KCNQ1: variants seen among roughly 807,000 people sequenced by gnomAD.
The protein encoded by KCNQ1 is potassium voltage-gated channel subfamily KQT member 1.
A neutral mutation model predicts 72.4 loss-of-function variants in KCNQ1; 49 were observed. That is an observed-to-expected ratio of 0.68 (90% CI 0.54 to 0.86). KCNQ1 has a LOEUF of 0.86. Among genes scored for constraint, KCNQ1 ranks in the 40% least tolerant of loss-of-function variants. The pLI is 0.00. For missense variants in KCNQ1, 790 were observed against 945.1 expected (o/e 0.84, Z 2.15); for synonymous variants, 450 against 412.6 (o/e 1.09, Z -1.10).
chr11:2,838,615 G>A (rs1427911912), intron 15 of KCNQ1, among the ~76,000 whole-genome samples: 2 of 152,130 alleles, frequency 1.3e-5, no homozygotes, highest in African/African-American at 2.4e-5. Context: ...GTTCCAGATG[G>A]CCCAGCAAGT....
chr11:2,832,022 C>T (rs1847961902), intron 15 of KCNQ1, among the ~76,000 whole-genome samples: 1 of 152,096 alleles, frequency 6.6e-6, no homozygotes, highest in Non-Finnish European at 1.5e-5. Flanking sequence ...GGCAGACCTC[C>T]ACCTCCAGGC....
Position 2,711,943 on chromosome 11 carries a change from G to C in KCNQ1, c.1514+49862G>C, listed in dbSNP as rs1411225686. Among the ~76,000 whole-genome samples, 1 of 152,074 alleles carries C rather than the reference G, an allele frequency of 6.6e-6. No individual in the cohort carries two copies. The highest frequency in any genetic ancestry group is 1.5e-5 in the Non-Finnish European group (1 of 67,988). On this transcript the variant is annotated intron_variant, in intron 11 of 15. Transcript: ENST00000155840. The surrounding 1 kb of genome is among the most constrained non-coding windows in gnomAD (Gnocchi z 5.4). ...GCTGGGGCTGCTCACCTGCTCACCT[G>C]TGTCCATCCCCTTGGGCAGCACACA...
intron 11 of KCNQ1, among the ~76,000 whole-genome samples, chr11:2,749,970 A>T (rs1246635458): frequency 6.6e-6 from 1 of 152,074 alleles, no homozygotes; most frequent in Non-Finnish European, 1.5e-5. Flanking sequence ...CAAAAAAAAA[A>T]AAATAAAAAG....
At chr11:2,800,167 C>G (rs1165284946) in intron 15 of KCNQ1, among the ~76,000 whole-genome samples, 4 of 152,166 alleles carry the variant, frequency 2.6e-5, no homozygotes, top group Admixed American at 6.5e-5. Context: ...ACCCAAAAGG[C>G]CAGGAGGTCA....
chr11:2,648,697 GTATA>G (rs1849705404), intron 10 of KCNQ1: 1 of 398,292 alleles, frequency 2.5e-6, no homozygotes, highest in African/African-American at 2.1e-5. Flanking sequence ...CTAACATATG[GTATA>G]TCCTGGAGAA....
At chr11:2,705,485 T>G (rs1590043999) in intron 11 of KCNQ1, among the ~76,000 whole-genome samples, 1 of 149,898 alleles carries the variant, frequency 6.7e-6, no homozygotes, top group Non-Finnish European at 1.5e-5. Context: ...CACGGGGGGG[T>G]GGGAAAATGA....
rs972704903 is a variant in KCNQ1, at chr11:2,550,472, G to A, written c.478-20156G>A. ...TGTTCCTCCCTAGGCAGCTCCATGC[G>A]CGGGCCCCGGAGCTGGAAAGCAGCC... On this transcript the variant is annotated intron_variant, in intron 2 of 15. Transcript: ENST00000155840. This position sits in a 1 kb window ranked among gnomAD's most constrained non-coding sequence, Gnocchi z 6.0. 2.0e-5 allele frequency among the ~76,000 whole-genome samples: 3 copies of A among 152,196 alleles called. No homozygotes were observed. Among genetic ancestry groups the A allele is most frequent in the South Asian group, 4.1e-4 (2 of 4,830 alleles).
At chr11:2,456,805 G>A (rs1233214376) in intron 1 of KCNQ1, among the ~76,000 whole-genome samples, 1 of 146,968 alleles carries the variant, frequency 6.8e-6, no homozygotes, top group Non-Finnish European at 1.5e-5. Flanking sequence ...CGGGCGTGGG[G>A]GTGGGCGCCT....
chr11:2,795,247 C>T (rs1034425311), intron 15 of KCNQ1, among the ~76,000 whole-genome samples: 5 of 152,254 alleles, frequency 3.3e-5, no homozygotes, highest in African/African-American at 1.2e-4. Context: ...TGGAGGCCTT[C>T]GCCTCGGGCT....
At chr11:2,619,851 G>A in intron 10 of KCNQ1, 1 of 398,182 alleles carries the variant, frequency 2.5e-6, no homozygotes, top group Non-Finnish European at 4.4e-6. Context: ...GAGGTTTTGG[G>A]GTTTTTTTAA....
chr11:2,554,763 T>C (rs1212584500), intron 2 of KCNQ1, among the ~76,000 whole-genome samples: 3 of 152,254 alleles, frequency 2.0e-5, no homozygotes, highest in Non-Finnish European at 4.4e-5. Flanking sequence ...TCCCGTTTAC[T>C]GTGTAAACTT....
chr11:2,837,334 C>T (rs372497704), intron 15 of KCNQ1, among the ~76,000 whole-genome samples: 3 of 152,220 alleles, frequency 2.0e-5, no homozygotes, highest in South Asian at 4.1e-4. Flanking sequence ...CTCATCCTTC[C>T]CCTGAGCCCC....
chr11:2,821,828 C>A (rs973599657), intron 15 of KCNQ1, among the ~76,000 whole-genome samples: 1 of 152,208 alleles, frequency 6.6e-6, no homozygotes, highest in East Asian at 1.9e-4. Context: ...CACATCCCTG[C>A]TCTGCACACC....
rs751954921 is a variant in KCNQ1, at chr11:2,563,305, G to A, written c.478-7323G>A. Among the ~76,000 whole-genome samples, 4 of 152,198 alleles carry A rather than the reference G, an allele frequency of 2.6e-5. No homozygotes were observed. The highest frequency in any genetic ancestry group is 4.4e-5 in the Non-Finnish European group (3 of 68,036). On this transcript the variant is annotated intron_variant, in intron 2 of 15. Coordinates refer to ENST00000155840, the MANE Select transcript of KCNQ1 (RefSeq NM_000218.3). The surrounding 1 kb of genome is among the most constrained non-coding windows in gnomAD (Gnocchi z 7.4). ...CCGGTTCCACGGCCGGTTGCAACACGTTTGAGCCAAAGTGCGACCTTTCCC... is the reference window on the plus strand; with the variant it reads ...CCGGTTCCACGGCCGGTTGCAACACATTTGAGCCAAAGTGCGACCTTTCCC...
In KCNQ1 at chr11:2,683,357, C is replaced by T. The variant is rs1280684842; in HGVS notation, c.1514+21276C>T. The T allele has an allele frequency of 1.8e-5, 7 of 398,508 alleles. No individual in the cohort carries two copies. Among genetic ancestry groups the T allele is most frequent in the Non-Finnish European group, 2.2e-5 (5 of 226,066 alleles). The allele number at this position is 398,508 out of a possible 1,614,324, so 24.7% of individuals were successfully genotyped here. ...CAACACTAGGCCACTGTGCCTGCCACTGCTGTCTGCAAATGCAGGTTCCTG... is the reference window on the plus strand; with the variant it reads ...CAACACTAGGCCACTGTGCCTGCCATTGCTGTCTGCAAATGCAGGTTCCTG... On this transcript the variant is annotated intron_variant, in intron 11 of 15. Coordinates refer to ENST00000155840, the MANE Select transcript of KCNQ1 (RefSeq NM_000218.3). This position sits in a 1 kb window ranked among gnomAD's most constrained non-coding sequence, Gnocchi z 4.7.
chr11:2,525,734 C>G (rs1183169498), intron 1 of KCNQ1, among the ~76,000 whole-genome samples: 1 of 152,098 alleles, frequency 6.6e-6, no homozygotes, highest in Admixed American at 6.5e-5. Context: ...TGCTTTGGGT[C>G]GAATGTCCCA....
At chr11:2,650,738 G>A in intron 10 of KCNQ1, 1 of 398,612 alleles carries the variant, frequency 2.5e-6, no homozygotes, top group East Asian at 3.6e-5. Flanking sequence ...ATTGGAATTT[G>A]GCTCACTTTG....
chr11:2,726,958 C>T (rs569605902), intron 11 of KCNQ1, among the ~76,000 whole-genome samples: 1 of 152,324 alleles, frequency 6.6e-6, no homozygotes, highest in South Asian at 2.1e-4. Flanking sequence ...CAAGCCCTGT[C>T]CCTGCCCCCA....
At position 2,602,842 on chromosome 11, in the gene KCNQ1, G is replaced by A. The variant is rs780416674; in HGVS notation, c.1393+13988G>A. On this transcript the variant is annotated intron_variant, in intron 10 of 15. Transcript: ENST00000155840. The surrounding 1 kb of genome is among the most constrained non-coding windows in gnomAD (Gnocchi z 4.8). ...ACTTATCTTAAGTCAGAAACAGGGTGCAAATATTTATTCATTGTAGCTTTC... is the reference window on the plus strand; with the variant it reads ...ACTTATCTTAAGTCAGAAACAGGGTACAAATATTTATTCATTGTAGCTTTC... Among the ~76,000 whole-genome samples, 12 of 152,174 alleles carry A rather than the reference G, an allele frequency of 7.9e-5. No individual in the cohort carries two copies. Among genetic ancestry groups the A allele is most frequent in the Non-Finnish European group, 1.2e-4 (8 of 68,024 alleles).
Sources: gnomAD v4.1 joint callset for allele counts (sites outside exome capture counted in the v4.1 genomes callset) on GRCh38, gnomAD v4.1.1 for gene constraint, Gnocchi (gnomAD v3.1) non-coding constraint, MANE v1.5 for transcripts, NCBI Gene and HGNC (gene_info 2026-07-23, HGNC 2026-07-21) for gene names.